Variants in ADGRV1 observed in about 807,000 individuals in gnomAD.
ADGRV1 encodes adhesion G protein-coupled receptor V1.
In ADGRV1, 359 loss-of-function variants were observed where a neutral mutation model predicts 596.2. The observed-to-expected ratio is 0.60, with a 90% CI of 0.55 to 0.66. The LOEUF is 0.66. Among genes scored for constraint, ADGRV1 ranks in the 30% least tolerant of loss-of-function variants. ADGRV1 has a pLI of 0.00. For synonymous variants in ADGRV1, 2,681 were observed against 2,679.2 expected, an observed-to-expected ratio of 1.00 and a Z score of -0.02; for missense variants, 7,274 against 7,575.6, an observed-to-expected ratio of 0.96 and a Z score of 1.48.
intron 38 of ADGRV1, among the ~76,000 whole-genome samples, chr5:90,707,544 A>G (rs1242515110): frequency 1.3e-5 from 2 of 152,236 alleles, no homozygotes; most frequent in African/African-American, 4.8e-5. Context: ...ATATAACAGT[A>G]TAAAAATTCC....
At chr5:90,562,170 C>A (rs1384590298) in intron 1 of ADGRV1, among the ~76,000 whole-genome samples, 1 of 152,120 alleles carries the variant, frequency 6.6e-6, no homozygotes, top group Non-Finnish European at 1.5e-5. Context: ...TTCCATTACT[C>A]CTGGGCAGTT....
chr5:90,811,871 T>G (rs1242402458), intron 74 of ADGRV1, among the ~76,000 whole-genome samples: 9 of 152,032 alleles, frequency 5.9e-5, no homozygotes, highest in African/African-American at 2.2e-4. Context: ...TTGTTTCTCA[T>G]GTATCTTATG....
At chr5:90,663,024 G>C (rs1561480937) in intron 21 of ADGRV1, among the ~76,000 whole-genome samples, 1 of 148,632 alleles carries the variant, frequency 6.7e-6, no homozygotes, top group Non-Finnish European at 1.5e-5. Flanking sequence ...TTGGACATTT[G>C]GGTTGGTTCC....
intron 29 of ADGRV1, among the ~76,000 whole-genome samples, chr5:90,687,153 T>A (rs576122579): frequency 6.6e-6 from 1 of 152,334 alleles, no homozygotes; most frequent in Admixed American, 6.5e-5. Flanking sequence ...TTCTCACATT[T>A]TGTAAGTTGC....
chr5:90,825,207 G>T (rs139150414), intron 76 of ADGRV1, among the ~76,000 whole-genome samples: 4,442 of 152,226 alleles, frequency 0.029, 209 homozygotes, highest in African/African-American at 0.1. Flanking sequence ...AATGTGCTGG[G>T]ATTACAGGCA....
intron 85 of ADGRV1, chr5:91,030,884 A>T (rs1476075979): frequency 4.0e-6 from 2 of 502,216 alleles, no homozygotes; most frequent in African/African-American, 4.0e-5. Context: ...CCTCTGCCCC[A>T]CCACAATTTC....
chr5:90,886,954 A>T (rs1770355401), intron 83 of ADGRV1, among the ~76,000 whole-genome samples: 1 of 152,162 alleles, frequency 6.6e-6, no homozygotes, highest in African/African-American at 2.4e-5. Context: ...GTCTTATGTG[A>T]CAACTGAAAT....
chr5:91,092,381 G>C (rs571461810), intron 86 of ADGRV1, among the ~76,000 whole-genome samples: 2 of 152,296 alleles, frequency 1.3e-5, no homozygotes, highest in East Asian at 3.9e-4. Flanking sequence ...TCACAGGTGT[G>C]AGCCACCATG....
intron 1 of ADGRV1, among the ~76,000 whole-genome samples, chr5:90,587,858 C>T (rs1411151264): frequency 1.3e-5 from 2 of 152,082 alleles, no homozygotes; most frequent in African/African-American, 2.4e-5. Flanking sequence ...CTGTGCCCAG[C>T]GTGTTTTCTC....
At chr5:90,665,641 C>G (rs1241584027) in intron 21 of ADGRV1, among the ~76,000 whole-genome samples, 1 of 149,554 alleles carries the variant, frequency 6.7e-6, no homozygotes, top group African/African-American at 2.5e-5. Context: ...TTAGTTATTT[C>G]TTGCCTTCTG....
Position 90,810,908 on chromosome 5 carries a change from T to G in ADGRV1, c.15648T>G (p.Ile5216Met), listed in dbSNP as rs1257970580. Residue 5216 changes from isoleucine (I) to methionine (M), a missense_variant, in exon 74 of 90, where the codon ATT (isoleucine) becomes ATG (methionine). Transcript: ENST00000405460. ...CCACTGTAACTGCCAATGTTTCCAT[T>G]CATGGAACATTCAGCCTTGGGCCAT... is the stretch of plus-strand genomic sequence containing the variant. Reference protein sequence around the residue: ...DVATVTANVSIHGTFSLGPSI... With the variant: ...DVATVTANVSMHGTFSLGPSI... The G allele has an allele frequency of 1.9e-6, 3 of 1,613,978 alleles. No homozygotes were observed. In the South Asian group the frequency reaches 3.3e-5, roughly 18 times the overall value.
chr5:91,012,682 T>C (rs1315651301), intron 85 of ADGRV1, among the ~76,000 whole-genome samples: 2 of 152,000 alleles, frequency 1.3e-5, no homozygotes, highest in Admixed American at 1.3e-4. Context: ...GTAATGTATA[T>C]TCATAAATGT....
rs1480292548 is a variant in ADGRV1 at position 90,788,258 on chromosome 5, T to G, written c.13841T>G (p.Leu4614Arg). The change falls in exon 68 of 90, where the codon CTT becomes CGT. Residue 4614 changes from leucine (L) to arginine (R), a missense_variant. Physicochemically the swap from Leu to Arg is moderately radical, Grantham distance 102. Transcript: ENST00000405460. ...GAGACATTCATTATTAAACTTCATCTTGTGAAAGGAGAAGCTAAATTAGAC... is the reference window on the plus strand; with the variant it reads ...GAGACATTCATTATTAAACTTCATCGTGTGAAAGGAGAAGCTAAATTAGAC... Reference protein sequence around the residue: ...VEETFIIKLHLVKGEAKLDSR... With the variant: ...VEETFIIKLHRVKGEAKLDSR... 1 of 1,613,106 alleles carries G rather than the reference T, an allele frequency of 6.2e-7. No homozygotes were observed. Among genetic ancestry groups the G allele is most frequent in the Non-Finnish European group, 8.5e-7 (1 of 1,179,090 alleles).
chr5:90,569,388 T>TATATATATATATATATA (rs1554048594), intron 1 of ADGRV1, among the ~76,000 whole-genome samples: 1 of 18,830 alleles, frequency 5.3e-5, no homozygotes, highest in South Asian at 2.8e-3. Context: ...TATATATATA[T>TATATATATATATATATA]TTTTTTTTTT....
chr5:90,617,733 G>A (rs1580465878), intron 2 of ADGRV1, 71 bp from the exon 3 acceptor site: 5 of 1,252,098 alleles, frequency 4.0e-6, no homozygotes, highest in East Asian at 2.6e-5. Flanking sequence ...CTTGATTGCT[G>A]TAATTAACAT....
At chr5:90,824,336 A>G (rs1288111417) in intron 76 of ADGRV1, among the ~76,000 whole-genome samples, 1 of 152,236 alleles carries the variant, frequency 6.6e-6, no homozygotes, top group African/African-American at 2.4e-5. Flanking sequence ...GATGTAAGAC[A>G]GCCAATTAAC....
intron 85 of ADGRV1, among the ~76,000 whole-genome samples, chr5:91,072,095 C>T (rs774490282): frequency 3.3e-5 from 5 of 152,190 alleles, no homozygotes; most frequent in African/African-American, 7.2e-5. Context: ...GAGCCCAGAT[C>T]TCTTGACTCC....
intron 85 of ADGRV1, among the ~76,000 whole-genome samples, chr5:91,004,608 G>A (rs1050917372): frequency 1.4e-4 from 21 of 147,176 alleles, no homozygotes; most frequent in African/African-American, 4.3e-4. Context: ...TTTGACTCCT[G>A]ACTTTCTTAA....
At chr5:90,822,768 A>G (rs1763694847) in intron 75 of ADGRV1, among the ~76,000 whole-genome samples, 1 of 152,156 alleles carries the variant, frequency 6.6e-6, no homozygotes, top group African/African-American at 2.4e-5. Flanking sequence ...TAAGCATGGA[A>G]TGTTCTTCCA....
Sources: gnomAD v4.1 joint callset for allele counts (sites outside exome capture counted in the v4.1 genomes callset) on GRCh38, gnomAD v4.1.1 for gene constraint, MANE v1.5 for transcripts, NCBI Gene and HGNC (gene_info 2026-07-23, HGNC 2026-07-21) for gene names.